JAZF1: variants seen among roughly 807,000 people sequenced by gnomAD.
JAZF1 encodes the protein juxtaposed with another zinc finger protein 1.
A neutral mutation model predicts 26.4 loss-of-function variants in JAZF1; 8 were observed. The ratio of observed to expected loss-of-function variants is 0.30; its 90% confidence interval spans 0.18 to 0.55. The LOEUF is 0.55. Ranked by LOEUF, JAZF1 falls within the 20% of genes least tolerant of loss-of-function variation. The probability of loss-of-function intolerance (pLI) is 0.94; values close to 1 mark genes in which losing one functional copy is unlikely to be tolerated. For missense variants in JAZF1, 199 were observed against 322.0 expected (o/e 0.62, Z 2.92); for synonymous variants, 126 against 122.3 (o/e 1.03, Z -0.20).
At chr7:28,133,091 T>C (rs1352356004) in intron 1 of JAZF1, among the ~76,000 whole-genome samples, 2 of 152,218 alleles carry the variant, frequency 1.3e-5, no homozygotes, top group African/African-American at 4.8e-5. Flanking sequence ...ACCTCTGACA[T>C]GGATTACTCA....
At chr7:27,952,406 A>G (rs1304822269) in intron 2 of JAZF1, among the ~76,000 whole-genome samples, 2 of 152,256 alleles carry the variant, frequency 1.3e-5, no homozygotes, top group Non-Finnish European at 2.9e-5. Context: ...TGTGTCACCA[A>G]TGTCAATAGG....
chr7:28,065,322 G>A lies in JAZF1; in HGVS notation c.116-73341C>T, dbSNP rs373206574. Among the ~76,000 whole-genome samples the A allele has an allele frequency of 8.5e-5, 13 of 152,074 alleles. No homozygotes were observed. The East Asian group carries it at 1.4e-3, about 16-fold the overall frequency. ...GAGTAGAGGAGTGGGTGAGAGAAGC[G>A]GGGAGGCGCCTCAAGAGAACAATCA... On this transcript the variant is annotated intron_variant, in intron 1 of 4. Transcript: ENST00000283928.
intron 1 of JAZF1, among the ~76,000 whole-genome samples, chr7:28,038,579 A>T (rs1783334574): frequency 6.6e-6 from 1 of 152,192 alleles, no homozygotes; most frequent in Non-Finnish European, 1.5e-5. Context: ...TTTCTTGTGA[A>T]CATTCAGGTT....
chr7:28,077,498 G>T (rs1784070211), intron 1 of JAZF1, among the ~76,000 whole-genome samples: 1 of 151,862 alleles, frequency 6.6e-6, no homozygotes, highest in African/African-American at 2.4e-5. Flanking sequence ...ACAAAAAAAG[G>T]CTACTGGAGC....
At chr7:28,012,769 A>G (rs1782819167) in intron 1 of JAZF1, among the ~76,000 whole-genome samples, 1 of 152,232 alleles carries the variant, frequency 6.6e-6, no homozygotes, top group African/African-American at 2.4e-5. Flanking sequence ...AGGTTGATGG[A>G]CATGCATTGC....
In JAZF1 at chr7:27,832,651, A is replaced by C. The variant is rs1039516298; in HGVS notation, c.*149T>G. On this transcript the variant is annotated 3_prime_UTR_variant, in exon 5 of 5. Coordinates refer to ENST00000283928, the MANE Select transcript of JAZF1 (RefSeq NM_175061.4). ...AAAATCATTAACTCTACAAAGATACATCATTCCAAAATTACAGAAAAAATT... is the reference window on the plus strand; with the variant it reads ...AAAATCATTAACTCTACAAAGATACCTCATTCCAAAATTACAGAAAAAATT... 1.4e-5 allele frequency: 8 copies of C among 580,542 alleles called. No homozygotes were observed. Among genetic ancestry groups the C allele is most frequent in the African/African-American group, 3.7e-5 (2 of 53,794 alleles). The allele number at this position is 580,542 out of a possible 1,614,324, so 36.0% of individuals were successfully genotyped here.
intron 4 of JAZF1, among the ~76,000 whole-genome samples, chr7:27,837,129 G>T (rs76766233): frequency 3.3e-5 from 5 of 152,140 alleles, no homozygotes; most frequent in Non-Finnish European, 7.4e-5. Context: ...AGGAACTTTG[G>T]GGGGCGGGGT....
chr7:27,989,130 T>C (rs985389016), intron 2 of JAZF1, among the ~76,000 whole-genome samples: 2 of 151,948 alleles, frequency 1.3e-5, no homozygotes, highest in African/African-American at 2.4e-5. Flanking sequence ...TCAGAAATAA[T>C]ACCACACATC....
chr7:27,921,769 A>C (rs1009777747), intron 2 of JAZF1, among the ~76,000 whole-genome samples: 4 of 152,218 alleles, frequency 2.6e-5, no homozygotes, highest in African/African-American at 9.6e-5. Context: ...TGGTGGCTCA[A>C]GCCTGCAATC....
intron 1 of JAZF1, among the ~76,000 whole-genome samples, chr7:28,133,972 A>T (rs948310394): frequency 1.3e-5 from 2 of 152,120 alleles, no homozygotes; most frequent in African/African-American, 4.8e-5. Context: ...CCTTCTTAGC[A>T]CTTAGGCCTA....
At chr7:28,008,862 C>T (rs1782747648) in intron 1 of JAZF1, among the ~76,000 whole-genome samples, 1 of 152,188 alleles carries the variant, frequency 6.6e-6, no homozygotes, top group South Asian at 2.1e-4. Context: ...CATTCTGATT[C>T]ACTACAAACT....
chr7:27,979,440 G>A (rs1174786206), intron 2 of JAZF1, among the ~76,000 whole-genome samples: 3 of 123,476 alleles, frequency 2.4e-5, no homozygotes, highest in Non-Finnish European at 3.2e-5. Flanking sequence ...CCAGGCTGGA[G>A]TGCAGTGGCC....
chr7:28,095,506 A>G (rs1024005041), intron 1 of JAZF1, among the ~76,000 whole-genome samples: 10 of 152,182 alleles, frequency 6.6e-5, no homozygotes, highest in African/African-American at 2.2e-4. Context: ...AACCACCCCC[A>G]TGATTCAATT....
chr7:27,835,663 A>AC (rs1741922208), intron 4 of JAZF1, among the ~76,000 whole-genome samples: 1 of 152,204 alleles, frequency 6.6e-6, no homozygotes, highest in Admixed American at 6.5e-5. Flanking sequence ...AAATGTTAGT[A>AC]CAAGGTCAAG....
intron 1 of JAZF1, among the ~76,000 whole-genome samples, chr7:28,007,242 C>A (rs1782719188): frequency 6.6e-6 from 1 of 152,148 alleles, no homozygotes; most frequent in Non-Finnish European, 1.5e-5. Context: ...CCGAGGTGGG[C>A]AGATCACCTG....
At chr7:28,102,990 C>T (rs1784496874) in intron 1 of JAZF1, among the ~76,000 whole-genome samples, 1 of 152,178 alleles carries the variant, frequency 6.6e-6, no homozygotes, top group African/African-American at 2.4e-5. Flanking sequence ...CAGCCACAGC[C>T]CTCGGTGAGT....
chr7:27,958,289 C>T (rs1444532425), intron 2 of JAZF1, among the ~76,000 whole-genome samples: 1 of 152,120 alleles, frequency 6.6e-6, no homozygotes, highest in Non-Finnish European at 1.5e-5. Context: ...ATTAAGATGG[C>T]TGATGTAAAT....
intron 1 of JAZF1, among the ~76,000 whole-genome samples, chr7:28,022,875 G>A (rs1783030435): frequency 6.6e-6 from 1 of 152,144 alleles, no homozygotes; most frequent in African/African-American, 2.4e-5. Flanking sequence ...TCGTGTCTCA[G>A]CCTCCCGAGT....
At chr7:28,110,547 A>G (rs13308236) in intron 1 of JAZF1, among the ~76,000 whole-genome samples, 2,671 of 75,870 alleles carry the variant, frequency 0.035, 152 homozygotes, top group Non-Finnish European at 0.057. Flanking sequence ...GAAAAGGAAA[A>G]GGAAAAGGAA....
Sources: allele counts gnomAD v4.1 joint callset (sites outside exome capture counted in the v4.1 genomes callset), GRCh38; gene constraint gnomAD v4.1.1; transcripts MANE v1.5; gene names NCBI Gene and HGNC (gene_info 2026-07-23, HGNC 2026-07-21).